The following NCKAP5 variants were observed in gnomAD, a reference collection of about 807,000 sequenced individuals.
The protein encoded by NCKAP5 is nck-associated protein 5.
A neutral mutation model predicts 167.0 loss-of-function variants in NCKAP5; 92 were observed. The ratio of observed to expected loss-of-function variants is 0.55; its 90% CI spans 0.47 to 0.66. The LOEUF (loss-of-function observed/expected upper bound fraction) is 0.66, where lower values mean the gene tolerates loss of function less well. Ranked by LOEUF, NCKAP5 falls within the 30% of genes least tolerant of loss-of-function variation. The pLI, the probability that NCKAP5 is intolerant of heterozygous loss-of-function variation, is 0.00. For missense variants in NCKAP5, 2,378 were observed against 2,315.0 expected (o/e 1.03, Z -0.56); for synonymous variants, 891 against 877.4 (o/e 1.02, Z -0.27).
intron 3 of NCKAP5, among the ~76,000 whole-genome samples, chr2:133,343,314 AT>A (rs1324613472): frequency 6.6e-5 from 10 of 152,172 alleles, no homozygotes; most frequent in Non-Finnish European, 1.0e-4. Flanking sequence ...TATAAAAAAA[AT>A]TCATAGGTTT....
chr2:133,199,963 T>G (rs1251631890), intron 5 of NCKAP5, among the ~76,000 whole-genome samples: 2 of 151,828 alleles, frequency 1.3e-5, no homozygotes, highest in Admixed American at 6.6e-5. Flanking sequence ...AAGCATATAG[T>G]TCAGATTTCA....
At chr2:132,994,708 A>G (rs977550959) in intron 6 of NCKAP5, among the ~76,000 whole-genome samples, 1 of 152,176 alleles carries the variant, frequency 6.6e-6, no homozygotes, top group African/African-American at 2.4e-5. Flanking sequence ...ATTCTTCTCA[A>G]CTACAGTCAT....
At chr2:132,943,062 G>T (rs144578856) in intron 8 of NCKAP5, among the ~76,000 whole-genome samples, 1 of 152,284 alleles carries the variant, frequency 6.6e-6, no homozygotes, top group African/African-American at 2.4e-5. Context: ...CAAGTAAGAG[G>T]TTCTGGGACT....
chr2:133,479,446 T>G (rs1428921760), intron 3 of NCKAP5, among the ~76,000 whole-genome samples: 1 of 152,200 alleles, frequency 6.6e-6, no homozygotes, highest in Non-Finnish European at 1.5e-5. Flanking sequence ...TTGTCAAAAC[T>G]GATGTTTCTC....
At chr2:133,419,421 G>A (rs1387485490) in intron 3 of NCKAP5, among the ~76,000 whole-genome samples, 1 of 152,116 alleles carries the variant, frequency 6.6e-6, no homozygotes, top group Non-Finnish European at 1.5e-5. Context: ...CCACAAAGTG[G>A]ATTTTTTAAA....
At chr2:133,349,944 CAAG>C (rs1343771764) in intron 3 of NCKAP5, among the ~76,000 whole-genome samples, 9 of 152,150 alleles carry the variant, frequency 5.9e-5, no homozygotes, top group African/African-American at 1.9e-4. Context: ...TTTAGGCTCA[CAAG>C]AAGTTGTCAA....
At chr2:133,615,241 C>A in the NCKAP5 span, among the ~76,000 whole-genome samples, 1 of 151,960 alleles carries the variant, frequency 6.6e-6, no homozygotes, top group Non-Finnish European at 1.5e-5. Flanking sequence ...ACTGCATCAA[C>A]TAATGAGCAA....
At chr2:133,637,493 A>AC in the NCKAP5 span, among the ~76,000 whole-genome samples, 2 of 149,616 alleles carry the variant, frequency 1.3e-5, no homozygotes, top group South Asian at 4.2e-4. Context: ...AAAAAAAAAA[A>AC]AAAAAAACCC....
intron 3 of NCKAP5, among the ~76,000 whole-genome samples, chr2:133,501,620 T>C (rs991752335): frequency 8.5e-5 from 13 of 152,216 alleles, no homozygotes; most frequent in African/African-American, 3.1e-4. Context: ...TACTCAAAAT[T>C]AAAGTCGTGT....
intron 3 of NCKAP5, among the ~76,000 whole-genome samples, chr2:133,411,650 T>C (rs1304367120): frequency 6.6e-6 from 1 of 151,640 alleles, no homozygotes; most frequent in Non-Finnish European, 1.5e-5. Context: ...ACAGGGAGGG[T>C]GCGGATATCT....
chr2:132,717,123 C>T (rs1181630169), intron 19 of NCKAP5, among the ~76,000 whole-genome samples: 25 of 152,180 alleles, frequency 1.6e-4, no homozygotes, highest in Admixed American at 1.6e-3. Context: ...GAGCAGCCTG[C>T]TTGTCATGGT....
intron 6 of NCKAP5, among the ~76,000 whole-genome samples, chr2:133,022,136 G>C (rs1438433266): frequency 3.3e-5 from 5 of 152,076 alleles, no homozygotes; most frequent in Non-Finnish European, 1.5e-5. Context: ...CTAGTGTTGG[G>C]GCTAAGAACA....
chr2:133,031,687 C>T (rs756948684), intron 6 of NCKAP5, among the ~76,000 whole-genome samples: 5 of 152,050 alleles, frequency 3.3e-5, no homozygotes, highest in Non-Finnish European at 7.4e-5. Flanking sequence ...GCACAGCTCA[C>T]AGCTACAAAA....
chr2:133,417,102 T>C (rs562229439), intron 3 of NCKAP5, among the ~76,000 whole-genome samples: 13 of 150,234 alleles, frequency 8.7e-5, no homozygotes, highest in African/African-American at 2.7e-4. Context: ...ATATCTTTCT[T>C]TTTTGCCCTG....
rs562954268 is a variant in NCKAP5 at position 133,114,306 on chromosome 2, A to G, written c.341+15672T>C. Reference sequence around the variant, plus strand: ...AACATTACAAACATCTGCAAAAGTAAAGGTTCCAGTATAAGAAATGCTCAC... The same window carrying G: ...AACATTACAAACATCTGCAAAAGTAGAGGTTCCAGTATAAGAAATGCTCAC... On this transcript the variant is annotated intron_variant, in intron 6 of 19. Transcript: ENST00000409261. 5.3e-5 allele frequency among the ~76,000 whole-genome samples: 8 copies of G among 152,314 alleles called. No homozygotes were observed. In the East Asian group the frequency reaches 9.7e-4, roughly 18 times the overall value.
chr2:132,776,446 C>T (rs16841146), intron 15 of NCKAP5, among the ~76,000 whole-genome samples: 27,761 of 152,162 alleles, frequency 0.18, 3,023 homozygotes, highest in East Asian at 0.29. Context: ...TGCTTAACCG[C>T]AAACACTAAA....
rs374197642 is a variant in NCKAP5, at chr2:133,132,516, C to CACACACACACACACAA, written c.208-2406_208-2405insTTGTGTGTGTGTGTGT. Among the ~76,000 whole-genome samples the CACACACACACACACAA allele has an allele frequency of 2.8e-3, 414 of 146,470 alleles. 3 individuals are homozygous for CACACACACACACACAA. The highest frequency in any genetic ancestry group is 9.8e-3 in the African/African-American group (379 of 38,810). On this transcript the variant is annotated intron_variant, in intron 5 of 19. Coordinates refer to ENST00000409261, the MANE Select transcript of NCKAP5 (RefSeq NM_207363.3). ...ACACACACACACACACACACACACACAAACCCTGATAACACAGAGAAAATT... is the reference window on the plus strand; with the variant it reads ...ACACACACACACACACACACACACACACACACACACACACAAAAACCCTGATAACACAGAGAAAATT...
intron 3 of NCKAP5, among the ~76,000 whole-genome samples, chr2:133,329,223 CT>C (rs1382571420): frequency 1.3e-5 from 2 of 152,072 alleles, no homozygotes; most frequent in Non-Finnish European, 2.9e-5. Context: ...CCTTTTTCAC[CT>C]TATTAGCTAT....
chr2:133,367,399 G>A (rs573467741), intron 3 of NCKAP5, among the ~76,000 whole-genome samples: 27 of 152,218 alleles, frequency 1.8e-4, no homozygotes, highest in Non-Finnish European at 3.5e-4. Context: ...GGTTTTCTAG[G>A]TAAGATTTTA....
Sources: allele counts gnomAD v4.1 joint callset (sites outside exome capture counted in the v4.1 genomes callset), GRCh38; gene constraint gnomAD v4.1.1; transcripts MANE v1.5; gene names NCBI Gene and HGNC (gene_info 2026-07-23, HGNC 2026-07-21).